Variants in TLCD4 observed in about 807,000 individuals in gnomAD.
The protein encoded by TLCD4 is TLC domain containing 4, also known as TLC domain-containing protein 4.
TLCD4 carries 7 observed loss-of-function variants against 24.2 expected under a neutral mutation model. The ratio of observed to expected loss-of-function variants is 0.29; its 90% CI spans 0.16 to 0.54. The LOEUF (loss-of-function observed/expected upper bound fraction) is 0.54, where lower values mean the gene tolerates loss of function less well. TLCD4 is among the 20% of genes least tolerant of loss of function. The pLI, the probability that TLCD4 is intolerant of heterozygous loss-of-function variation, is 0.95. For synonymous variants in TLCD4, 103 were observed against 106.4 expected, an observed-to-expected ratio of 0.97 and a Z score of 0.20; for missense variants, 259 against 313.9, an observed-to-expected ratio of 0.82 and a Z score of 1.32.
chr1:95,109,371 T>C, the TLCD4 span, among the ~76,000 whole-genome samples: 1 of 144,236 alleles, frequency 6.9e-6, no homozygotes, highest in Non-Finnish European at 1.5e-5. Context: ...AAATTAAAAC[T>C]TAGAGAGCAT....
intron 6 of TLCD4, among the ~76,000 whole-genome samples, chr1:95,182,579 T>C (rs931456682): frequency 6.6e-6 from 1 of 152,344 alleles, no homozygotes; most frequent in Non-Finnish European, 1.5e-5. Context: ...TGGCTACTAA[T>C]ACCATTTCTT....
At chr1:95,097,059 T>G in the TLCD4 span, among the ~76,000 whole-genome samples, 1 of 149,700 alleles carries the variant, frequency 6.7e-6, no homozygotes, top group African/African-American at 2.4e-5. Flanking sequence ...ATCTCCAAGT[T>G]AATTTCTTTT....
chr1:95,137,195 C>T (rs1027239080), intron 1 of TLCD4, among the ~76,000 whole-genome samples: 2 of 152,062 alleles, frequency 1.3e-5, no homozygotes, highest in African/African-American at 2.4e-5. Context: ...GGGAAGAAAC[C>T]TCATCTATTT....
intron 5 of TLCD4, 141 bp from the exon 6 acceptor site, chr1:95,173,675 C>A: frequency 2.0e-6 from 2 of 1,008,392 alleles, no homozygotes; most frequent in East Asian, 2.6e-5. Context: ...ATCAGTTTAA[C>A]AGTAAAAGGT....
At chr1:95,187,157 G>C (rs1678854026) in intron 6 of TLCD4, among the ~76,000 whole-genome samples, 1 of 152,132 alleles carries the variant, frequency 6.6e-6, no homozygotes, top group African/African-American at 2.4e-5. Flanking sequence ...AGAAAAATCA[G>C]AAGGCTGATA....
At chr1:95,173,459 G>A (rs1026006122) in intron 5 of TLCD4, among the ~76,000 whole-genome samples, 6 of 152,106 alleles carry the variant, frequency 3.9e-5, no homozygotes, top group Non-Finnish European at 8.8e-5. Flanking sequence ...ACAGGCGCGT[G>A]CCACGTGATC....
At chr1:95,095,614 G>C in the TLCD4 span, among the ~76,000 whole-genome samples, 5 of 152,008 alleles carry the variant, frequency 3.3e-5, no homozygotes, top group East Asian at 9.7e-4. Context: ...AGCCAGGATG[G>C]TTTCAGTCTC....
chr1:95,156,910 G>A (rs913723005), intron 5 of TLCD4, among the ~76,000 whole-genome samples: 1 of 152,124 alleles, frequency 6.6e-6, no homozygotes, highest in East Asian at 1.9e-4. Flanking sequence ...GAAGGTTTGT[G>A]TAAAGGGCAG....
intron 5 of TLCD4, among the ~76,000 whole-genome samples, chr1:95,169,395 A>G (rs1055149989): frequency 6.6e-6 from 1 of 152,164 alleles, no homozygotes; most frequent in Non-Finnish European, 1.5e-5. Flanking sequence ...TCAAGAGACA[A>G]TTTCCTCAAA....
the TLCD4 span, among the ~76,000 whole-genome samples, chr1:95,093,569 TGAA>T: frequency 6.6e-6 from 1 of 152,218 alleles, no homozygotes; most frequent in African/African-American, 2.4e-5. Context: ...GAGCTGTATG[TGAA>T]GAAGAGTCCA....
At chr1:95,143,664 CCT>C (rs111252899) in intron 1 of TLCD4, among the ~76,000 whole-genome samples, 13 of 152,064 alleles carry the variant, frequency 8.5e-5, no homozygotes, top group African/African-American at 3.1e-4. Context: ...ATAAATGACA[CCT>C]CTAATATTGA....
intron 1 of TLCD4, among the ~76,000 whole-genome samples, chr1:95,142,774 A>C (rs1441788657): frequency 6.6e-6 from 1 of 150,986 alleles, no homozygotes; most frequent in African/African-American, 2.4e-5. Context: ...ACATGGTGAA[A>C]CCCCGTCTCT....
intron 1 of TLCD4, among the ~76,000 whole-genome samples, chr1:95,119,884 G>C (rs1187815908): frequency 6.6e-6 from 1 of 150,790 alleles, no homozygotes; most frequent in African/African-American, 2.4e-5. Flanking sequence ...CTCAAACTGG[G>C]ATACTCAGTT....
the TLCD4 span, among the ~76,000 whole-genome samples, chr1:95,107,435 A>C: frequency 6.6e-6 from 1 of 152,110 alleles, no homozygotes; most frequent in South Asian, 2.1e-4. Context: ...ACAAACAAAC[A>C]AAAAAAATTT....
intron 1 of TLCD4, among the ~76,000 whole-genome samples, chr1:95,119,391 TAG>T (rs1211313323): frequency 1.3e-5 from 2 of 152,148 alleles, no homozygotes; most frequent in Admixed American, 6.6e-5. Flanking sequence ...ATCTGAGTGT[TAG>T]ACTGATTAAG....
the TLCD4 span, among the ~76,000 whole-genome samples, chr1:95,108,089 G>A: frequency 1.3e-5 from 2 of 151,950 alleles, no homozygotes; most frequent in African/African-American, 4.8e-5. Context: ...ATCTGTTCAT[G>A]TTTTCTAATT....
chr1:95,154,160 ATGATT>A (rs1432354936), intron 5 of TLCD4, among the ~76,000 whole-genome samples: 10 of 152,160 alleles, frequency 6.6e-5, no homozygotes, highest in Non-Finnish European at 7.4e-5. Context: ...TTTTGTTGAA[ATGATT>A]TGATTTAGTT....
intron 5 of TLCD4, among the ~76,000 whole-genome samples, chr1:95,160,690 T>G (rs1228507089): frequency 6.6e-6 from 1 of 152,198 alleles, no homozygotes; most frequent in East Asian, 1.9e-4. Flanking sequence ...AATACCTAGT[T>G]TATTGAGAGT....
At chr1:95,106,439 G>A in the TLCD4 span, among the ~76,000 whole-genome samples, 2 of 152,102 alleles carry the variant, frequency 1.3e-5, no homozygotes, top group African/African-American at 4.8e-5. Flanking sequence ...GGTGGCTCAC[G>A]CCTGTAATCC....
Sources: allele counts gnomAD v4.1 joint callset (sites outside exome capture counted in the v4.1 genomes callset), GRCh38; gene constraint gnomAD v4.1.1; transcripts MANE v1.5; gene names NCBI Gene and HGNC (gene_info 2026-07-23, HGNC 2026-07-21).